The following VIT variants were observed in gnomAD, a reference collection of about 807,000 sequenced individuals.
VIT encodes vitrin.
VIT carries 99 observed loss-of-function variants against 78.0 expected under a neutral mutation model. The observed-to-expected ratio is 1.27, with a 90% CI of 1.08 to 1.50. The LOEUF is 1.50. Among genes scored for constraint, VIT ranks in the 40% most tolerant of loss-of-function variants. VIT has a pLI of 0.00. For missense variants in VIT, 1,126 were observed against 875.3 expected, an observed-to-expected ratio of 1.29 and a Z score of -3.61; for synonymous variants, 374 against 334.3, an observed-to-expected ratio of 1.12 and a Z score of -1.29.
At position 36,733,798 on chromosome 2, in the gene VIT, T is replaced by TA. The variant is rs1203461113; in HGVS notation, c.118+4308dup. Among the ~76,000 whole-genome samples, 12 of 152,322 alleles carry TA rather than the reference T, an allele frequency of 7.9e-5. No individual in the cohort carries two copies. The South Asian group carries it at 2.5e-3, about 32-fold the overall frequency. ...ATCAAAAGTCTGGCCTCTTATGTCT[T>TA]ACGTCTTTTAGAAAACATCCTAAGA... On this transcript the variant is annotated intron_variant, in intron 3 of 15. Coordinates refer to ENST00000379242, the MANE Select transcript of VIT (RefSeq NM_053276.4).
chr2:36,704,175 C>G (rs889081764), intron 1 of VIT, among the ~76,000 whole-genome samples: 2 of 152,016 alleles, frequency 1.3e-5, no homozygotes, highest in African/African-American at 4.8e-5. Flanking sequence ...ATCCACCCAC[C>G]TCGGCCTCCC....
At chr2:36,741,207 A>T (rs1667815083) in intron 3 of VIT, among the ~76,000 whole-genome samples, 1 of 152,226 alleles carries the variant, frequency 6.6e-6, no homozygotes, top group South Asian at 2.1e-4. Flanking sequence ...CCACACTGGC[A>T]TCTTCATCCC....
intron 1 of VIT, among the ~76,000 whole-genome samples, chr2:36,708,415 T>C (rs1665587111): frequency 6.6e-6 from 1 of 152,188 alleles, no homozygotes; most frequent in Non-Finnish European, 1.5e-5. Flanking sequence ...ACACCAACAT[T>C]ACATAAATCC....
chr2:36,743,781 A>G (rs114781978), intron 4 of VIT, among the ~76,000 whole-genome samples: 2,037 of 152,168 alleles, frequency 0.013, 42 homozygotes, highest in African/African-American at 0.046. Flanking sequence ...CCCACAGGTC[A>G]CTGAGACATT....
At chr2:36,702,799 G>A (rs1036771487) in intron 1 of VIT, among the ~76,000 whole-genome samples, 4 of 152,180 alleles carry the variant, frequency 2.6e-5, no homozygotes, top group African/African-American at 9.7e-5. Flanking sequence ...TGGGTGCTGT[G>A]AAGATACCCT....
At position 36,814,420 on chromosome 2, in the gene VIT, C is replaced by T; in HGVS notation, c.*59C>T. On this transcript the variant is annotated 3_prime_UTR_variant, in exon 16 of 16. Coordinates refer to ENST00000379242, the MANE Select transcript of VIT (RefSeq NM_053276.4). ...TTTACTAACTGACGTGTTGGACCAC[C>T]CCACCGCTTAATGGGGCACGCACGG... 1.9e-6 allele frequency: 3 copies of T among 1,594,868 alleles called. No individual in the cohort carries two copies. The highest frequency in any genetic ancestry group is 2.6e-6 in the Non-Finnish European group (3 of 1,169,274).
chr2:36,786,812 C>A (rs1665128080), intron 11 of VIT, among the ~76,000 whole-genome samples: 1 of 152,238 alleles, frequency 6.6e-6, no homozygotes. Context: ...TCTGCACTTA[C>A]AAGATCTTAG....
intron 1 of VIT, among the ~76,000 whole-genome samples, chr2:36,700,951 G>T (rs527586237): frequency 5.8e-4 from 88 of 152,190 alleles, no homozygotes; most frequent in Admixed American, 1.4e-3. Context: ...AGTAAGGGAT[G>T]GAGCTCAGCT....
At chr2:36,785,687 A>G (rs1436234002) in intron 11 of VIT, among the ~76,000 whole-genome samples, 5 of 152,168 alleles carry the variant, frequency 3.3e-5, no homozygotes, top group African/African-American at 1.2e-4. Context: ...GAGATTTGCT[A>G]CTGAGCCAAG....
chr2:36,782,977 G>A (rs1196119285), intron 10 of VIT, among the ~76,000 whole-genome samples: 1 of 152,112 alleles, frequency 6.6e-6, no homozygotes, highest in Non-Finnish European at 1.5e-5. Flanking sequence ...AGGTTTATTC[G>A]AGCAAGACAC....
intron 13 of VIT, 143 bp downstream of exon 13, chr2:36,801,547 C>T (rs1666327881): frequency 1.4e-6 from 1 of 710,410 alleles, no homozygotes; most frequent in Non-Finnish European, 2.3e-6. Flanking sequence ...GTGGTTCACA[C>T]CTGTTATCCC....
At chr2:36,713,167 T>C (rs1045680609) in intron 1 of VIT, among the ~76,000 whole-genome samples, 1 of 152,216 alleles carries the variant, frequency 6.6e-6, no homozygotes, top group African/African-American at 2.4e-5. Flanking sequence ...AGGAGGATTG[T>C]GATTTTAAAT....
intron 1 of VIT, among the ~76,000 whole-genome samples, chr2:36,708,998 A>C (rs1665628003): frequency 6.6e-6 from 1 of 152,014 alleles, no homozygotes; most frequent in Admixed American, 6.6e-5. Flanking sequence ...AAAAATACAA[A>C]AATTAGCCAG....
chr2:36,784,784 C>T lies in VIT; in HGVS notation c.910+1382C>T, dbSNP rs77860358. Among the ~76,000 whole-genome samples, 972 of 152,362 alleles carry T rather than the reference C, an allele frequency of 6.4e-3. 14 individuals carry two copies. The highest frequency in any genetic ancestry group is 0.023 in the African/African-American group (938 of 41,576). On this transcript the variant is annotated intron_variant, in intron 11 of 15. Coordinates refer to ENST00000379242, the MANE Select transcript of VIT (RefSeq NM_053276.4). ...ACACTGAACATTGTATAACCCAATT[C>T]TACCTGTTAGCACTGATGCTGGCAT...
chr2:36,740,144 G>A (rs1339726452), intron 3 of VIT, among the ~76,000 whole-genome samples: 1 of 152,146 alleles, frequency 6.6e-6, no homozygotes, highest in East Asian at 1.9e-4. Flanking sequence ...ATCAAACTCA[G>A]AGAAGGGGGA....
Position 36,717,217 on chromosome 2 carries a change from C to T in VIT, c.52+795C>T, listed in dbSNP as rs578180500. The stretch of plus-strand genomic sequence containing the variant: ...TTTTTTTTTGAGACGGAGTCTCTGT[C>T]GCCCAGGCTGGAGTGCAGTGGCACA... On this transcript the variant is annotated intron_variant, in intron 2 of 15. Transcript: ENST00000379242. Among the ~76,000 whole-genome samples the T allele has an allele frequency of 3.6e-3, 485 of 135,998 alleles. 3 individuals are homozygous for T. Among genetic ancestry groups the T allele is most frequent in the African/African-American group, 0.013 (467 of 35,348 alleles). 89.2% of individuals were successfully genotyped at this position (135,998 alleles called of 152,430 possible).
At chr2:36,730,447 C>T in intron 3 of VIT, among the ~76,000 whole-genome samples, 1 of 152,248 alleles carries the variant, frequency 6.6e-6, no homozygotes, top group East Asian at 1.9e-4. Context: ...TTCCATGCGG[C>T]TCCCAATTCA....
intron 14 of VIT, 26 bp from the exon 15 acceptor site, chr2:36,808,446 G>A (rs746597241): frequency 1.2e-5 from 19 of 1,578,100 alleles, no homozygotes; most frequent in Middle Eastern, 1.7e-4. Context: ...CTGACGTGGC[G>A]TGGGTCCCTC....
At position 36,805,682 on chromosome 2, in the gene VIT, G is replaced by T. The variant is rs771023336; in HGVS notation, c.1389+18G>T. 1 of 1,602,668 alleles carries T rather than the reference G, an allele frequency of 6.2e-7. No individual in the cohort carries two copies. The highest frequency in any genetic ancestry group is 8.5e-7 in the Non-Finnish European group (1 of 1,172,660). On this transcript the variant is annotated intron_variant, in intron 14 of 15. Transcript: ENST00000379242. ...CAAACAAGGTAGATGACTGCCCGGA[G>T]ACCTACCCAACATCAGGATTTTCTG...
Sources: gnomAD v4.1 joint callset for allele counts (sites outside exome capture counted in the v4.1 genomes callset) on GRCh38, gnomAD v4.1.1 for gene constraint, MANE v1.5 for transcripts, NCBI Gene and HGNC (gene_info 2026-07-23, HGNC 2026-07-21) for gene names.